Variants in SCYL3 observed in about 807,000 individuals in gnomAD.
The protein encoded by SCYL3 is protein-associating with the carboxyl-terminal domain of ezrin.
Under a neutral mutation model 73.8 loss-of-function variants are expected in SCYL3, and 35 were observed. The ratio of observed to expected loss-of-function variants is 0.47; its 90% confidence interval spans 0.36 to 0.63. SCYL3 has a LOEUF of 0.63. SCYL3 is among the 20% of genes least tolerant of loss of function. SCYL3 has a pLI of 0.00. For missense variants in SCYL3, 712 were observed against 798.9 expected (o/e 0.89, Z 1.31); for synonymous variants, 277 against 295.2 (o/e 0.94, Z 0.63).
intron 2 of SCYL3, among the ~76,000 whole-genome samples, chr1:169,879,158 A>G (rs1189315943): frequency 6.6e-6 from 1 of 152,238 alleles, no homozygotes; most frequent in Non-Finnish European, 1.5e-5. Context: ...AAATGCAAAC[A>G]GATTATGGAG....
chr1:169,857,487 C>T (rs183273674), intron 11 of SCYL3, among the ~76,000 whole-genome samples: 1 of 152,212 alleles, frequency 6.6e-6, no homozygotes, highest in African/African-American at 2.4e-5. Flanking sequence ...TATGGGGGAC[C>T]AACTGGAAAG....
rs1357933520 is a variant in SCYL3, at chr1:169,876,001, T to C, written c.442A>G (p.Lys148Glu). Reference sequence around the variant, plus strand: ...ACCTCTGGTGTGGCCTGAGAAACTTTACAAACAGTTTCCATTCCTCCTAGC... The same window carrying C: ...ACCTCTGGTGTGGCCTGAGAAACTTCACAAACAGTTTCCATTCCTCCTAGC... ...WKLGGMETVC[K>E]VSQATPEFLR... Residue 148 changes from lysine (K) to glutamate (E), a missense_variant, in exon 4 of 13, where the codon AAA (lysine) becomes GAA (glutamate). Lys to Glu is a moderately conservative substitution (Grantham distance 56). Coordinates refer to ENST00000367771, the MANE Select transcript of SCYL3 (RefSeq NM_020423.7). The C allele has an allele frequency of 6.2e-7, 1 of 1,611,108 alleles. No individual in the cohort carries two copies. The highest frequency in any genetic ancestry group is 8.5e-7 in the Non-Finnish European group (1 of 1,178,822).
chr1:169,861,304 AG>A (rs1232290370), intron 10 of SCYL3, among the ~76,000 whole-genome samples: 1 of 152,170 alleles, frequency 6.6e-6, no homozygotes, highest in East Asian at 1.9e-4. Flanking sequence ...CACTTTAAGA[AG>A]GCTTCTTTTG....
intron 2 of SCYL3, among the ~76,000 whole-genome samples, chr1:169,885,651 A>T (rs1661632771): frequency 6.6e-6 from 1 of 152,206 alleles, no homozygotes; most frequent in Non-Finnish European, 1.5e-5. Context: ...TAAACTAACA[A>T]TAAAATGCAG....
chr1:169,853,090 C>A lies in SCYL3; in HGVS notation c.*623G>T. 2 of 1,060,018 alleles carry A rather than the reference C, an allele frequency of 1.9e-6. No homozygotes were observed. Among genetic ancestry groups the A allele is most frequent in the Non-Finnish European group, 2.8e-6 (2 of 717,492 alleles). 65.7% of individuals were successfully genotyped at this position (1,060,018 alleles called of 1,614,324 possible). ...TAAAACAAATTTTGTAAAGTTGAATCTAGTGAAAATAATCTTTATTTGACA... is the reference window on the plus strand; with the variant it reads ...TAAAACAAATTTTGTAAAGTTGAATATAGTGAAAATAATCTTTATTTGACA... On this transcript the variant is annotated 3_prime_UTR_variant, in exon 13 of 13. Transcript: ENST00000367771.
chr1:169,879,915 TAC>T (rs1277952266), intron 2 of SCYL3, among the ~76,000 whole-genome samples: 1 of 152,064 alleles, frequency 6.6e-6, no homozygotes, highest in Non-Finnish European at 1.5e-5. Flanking sequence ...TATGACAGAA[TAC>T]AGAGTCAGTA....
chr1:169,852,606 T>G lies in SCYL3; in HGVS notation c.*1107A>C. On this transcript the variant is annotated 3_prime_UTR_variant, in exon 13 of 13. Coordinates refer to ENST00000367771, the MANE Select transcript of SCYL3 (RefSeq NM_020423.7). ...CTGGTAGTAGCACTCTGAATTGCTA[T>G]GATAAACCAAAATGCCTTTACATAT... The G allele has an allele frequency of 1.6e-6, 1 of 618,528 alleles. No individual in the cohort carries two copies. 38.3% of individuals were successfully genotyped at this position (618,528 alleles called of 1,614,324 possible).
chr1:169,862,627 C>CT lies in SCYL3; in HGVS notation c.1125dup (p.Val376SerfsTer12), dbSNP rs1659735437. On this transcript the variant is annotated frameshift_variant, in exon 10 of 13. Coordinates refer to ENST00000367771, the MANE Select transcript of SCYL3 (RefSeq NM_020423.7). LOFTEE classifies it high-confidence loss of function. ...TGGCCTCTGACCTGTGGCAAGATGA[C>CT]TTTCTTCAGCTGCTCCTGAGTGAAG... 1 of 1,614,070 alleles carries CT rather than the reference C, an allele frequency of 6.2e-7. No homozygotes were observed. Among genetic ancestry groups the CT allele is most frequent in the Admixed American group, 1.7e-5 (1 of 60,000 alleles).
Position 169,854,900 on chromosome 1 carries a change from C to A in SCYL3, c.1377G>T (p.Ser459=). The part of the protein sequence containing the change: ...INGLSDVKNT[S]EDSENFPSSS... ...TTGATGGGAAGTTTTCACTGTCCTC[C>A]GAAGTATTTTTTACATCTGAGAGTC... The change falls in exon 12 of 13, where the codon TCG becomes TCT. Residue 459 remains serine (S), a synonymous_variant. Coordinates refer to ENST00000367771, the MANE Select transcript of SCYL3 (RefSeq NM_020423.7). The A allele has an allele frequency of 6.2e-7, 1 of 1,613,610 alleles. No individual in the cohort carries two copies. The highest frequency in any genetic ancestry group is 8.5e-7 in the Non-Finnish European group (1 of 1,179,746).
chr1:169,892,258 GT>G (rs1553267061), intron 1 of SCYL3, among the ~76,000 whole-genome samples: 1 of 149,940 alleles, frequency 6.7e-6, no homozygotes, highest in African/African-American at 2.4e-5. Flanking sequence ...TTTTTTGTTT[GT>G]TTTTTGTTTT....
intron 11 of SCYL3, chr1:169,855,821 A>C: frequency 6.2e-7 from 1 of 1,613,778 alleles, no homozygotes; most frequent in Non-Finnish European, 8.5e-7. Context: ...TATTGTAGTA[A>C]TCTCGCTGTA....
intron 1 of SCYL3, among the ~76,000 whole-genome samples, chr1:169,890,671 T>C (rs947911107): frequency 1.3e-5 from 2 of 152,202 alleles, no homozygotes; most frequent in African/African-American, 4.8e-5. Flanking sequence ...AAATTGAAGA[T>C]TTTCAAAATC....
rs56059077 is a variant in SCYL3 at position 169,862,790 on chromosome 1, C to A, written c.963G>T (p.Ala321=). 6.2e-7 allele frequency: 1 copy of A among 1,613,068 alleles called. No individual in the cohort carries two copies. The highest frequency in any genetic ancestry group is 8.5e-7 in the Non-Finnish European group (1 of 1,179,386). The change falls in exon 10 of 13, where the codon GCG becomes GCT. Residue 321 remains alanine (A), a synonymous_variant. Coordinates refer to ENST00000367771, the MANE Select transcript of SCYL3 (RefSeq NM_020423.7). The part of the protein sequence containing the change: ...PYLLGPKKDH[A]QGETPCLLSP... ...AGAGCAAGCAAGGAGTTTCTCCCTG[C>A]GCATGATCTACCCGAAAAATCAAAG...
intron 2 of SCYL3, among the ~76,000 whole-genome samples, chr1:169,883,769 A>G (rs1196301694): frequency 7.4e-6 from 1 of 134,376 alleles, no homozygotes; most frequent in African/African-American, 2.9e-5. Flanking sequence ...CCCAGGCTGC[A>G]TTGCAGTGGC....
intron 2 of SCYL3, among the ~76,000 whole-genome samples, chr1:169,879,060 T>C (rs891035081): frequency 2.0e-5 from 3 of 152,230 alleles, no homozygotes; most frequent in Admixed American, 1.3e-4. Flanking sequence ...CATTGTAGTG[T>C]AAGCCTCATA....
At position 169,854,972 on chromosome 1, in the gene SCYL3, G is replaced by A. The variant is rs1658985076; in HGVS notation, c.1313-8C>T. Reference sequence around the variant, plus strand: ...GCTGAGAAAATGGATCGCCTGTAGGGAAAATAATTATTCTCATAAAATACT... The same window carrying A: ...GCTGAGAAAATGGATCGCCTGTAGGAAAAATAATTATTCTCATAAAATACT... On this transcript the variant is annotated splice_polypyrimidine_tract_variant and splice_region_variant and intron_variant, in intron 11 of 12. Transcript: ENST00000367771. The A allele has an allele frequency of 6.4e-7, 1 of 1,562,294 alleles. No individual in the cohort carries two copies. Among genetic ancestry groups the A allele is most frequent in the South Asian group, 1.2e-5 (1 of 85,934 alleles).
chr1:169,869,087 C>G, intron 6 of SCYL3, 48 bp from the exon 7 acceptor site: 1 of 1,474,000 alleles, frequency 6.8e-7, no homozygotes, highest in Non-Finnish European at 9.5e-7. Context: ...TCCCTCTTTT[C>G]AGGACCTCTA....
At chr1:169,863,901 C>G (rs1480395364) in intron 9 of SCYL3, among the ~76,000 whole-genome samples, 1 of 151,998 alleles carries the variant, frequency 6.6e-6, no homozygotes, top group African/African-American at 2.4e-5. Context: ...GTTACCATCT[C>G]TAGTGCTATA....
chr1:169,852,026 G>C lies in SCYL3; in HGVS notation c.*1687C>G, dbSNP rs767580626. On this transcript the variant is annotated 3_prime_UTR_variant, in exon 13 of 13. Coordinates refer to ENST00000367771, the MANE Select transcript of SCYL3 (RefSeq NM_020423.7). ...ACGAAACAAACCAGTGTGGTTTCCA[G>C]CCTTATGCTGAATTTCAAATCAAAT... is the stretch of plus-strand genomic sequence containing the variant. The C allele has an allele frequency of 6.4e-7, 1 of 1,560,846 alleles. No individual in the cohort carries two copies. The highest frequency in any genetic ancestry group is 8.8e-7 in the Non-Finnish European group (1 of 1,137,686).
Sources: allele counts gnomAD v4.1 joint callset (sites outside exome capture counted in the v4.1 genomes callset), GRCh38; gene constraint gnomAD v4.1.1; transcripts MANE v1.5; gene names NCBI Gene and HGNC (gene_info 2026-07-23, HGNC 2026-07-21).